The following TMEM175 variants were observed in gnomAD, a reference collection of about 807,000 sequenced individuals.
TMEM175 encodes transmembrane protein 175.
Under a neutral mutation model 36.5 loss-of-function variants are expected in TMEM175, and 36 were observed. The ratio of observed to expected loss-of-function variants is 0.99; its 90% CI spans 0.76 to 1.30. The LOEUF (loss-of-function observed/expected upper bound fraction) is 1.30. TMEM175 is among the 50% of genes most tolerant of loss of function. TMEM175 has a pLI of 0.00. For synonymous variants in TMEM175, 339 were observed against 313.4 expected (o/e 1.08, Z -0.86); for missense variants, 705 against 692.8 (o/e 1.02, Z -0.20).
chr4:948,963 G>A (rs1053809269), intron 3 of TMEM175, among the ~76,000 whole-genome samples: 5 of 152,198 alleles, frequency 3.3e-5, no homozygotes, highest in South Asian at 4.1e-4. Context: ...AAGTAGAAAT[G>A]CGGGTGGAGC....
At chr4:934,649 A>G (rs1273367763) in intron 1 of TMEM175, among the ~76,000 whole-genome samples, 1 of 152,246 alleles carries the variant, frequency 6.6e-6, no homozygotes, top group Non-Finnish European at 1.5e-5. Flanking sequence ...CCTTAGCTCC[A>G]GGGAGCTACA....
rs775267397 is a variant in TMEM175 at position 947,901 on chromosome 4, G to A, written c.153+9G>A. On this transcript the variant is annotated intron_variant, in intron 2 of 10. Transcript: ENST00000264771. ...TCATCGCCACCGTCATGGTCTGTAC[G>A]GGGCCCCTGCTTAGGCCTGCCCCAC... 44 of 1,613,696 alleles carry A rather than the reference G, an allele frequency of 2.7e-5. No homozygotes were observed. Among genetic ancestry groups the A allele is most frequent in the Admixed American group, 1.0e-4 (6 of 60,008 alleles).
At position 951,510 on chromosome 4, in the gene TMEM175, G is replaced by C. The variant is rs916711189; in HGVS notation, c.343-172G>C. On this transcript the variant is annotated intron_variant, in intron 5 of 10. Coordinates refer to ENST00000264771, the MANE Select transcript of TMEM175 (RefSeq NM_032326.4). ...GTTGGGCACAGGTGTAGGGGACAGA[G>C]AGGATGAGTGCCCCCATCTGGCCCT... is the stretch of plus-strand genomic sequence containing the variant. 4.9e-5 allele frequency: 42 copies of C among 864,826 alleles called. No individual in the cohort carries two copies. In the African/African-American group the frequency reaches 5.8e-4, roughly 12 times the overall value. 53.6% of individuals were successfully genotyped at this position (864,826 alleles called of 1,614,324 possible). A position where few individuals can be genotyped will look rare whatever the true frequency, so the allele number is the denominator to read the frequency against.
chr4:952,453 AGGGGGCCTG>A lies in TMEM175; in HGVS notation c.462+13_462+21del, dbSNP rs765544990. ...TGATCGCCATTGGGGTCGTGCAGGT[AGGGGGCCTG>A]GGGGGCCTGCACTGTGTGTGTGTGT... is the stretch of plus-strand genomic sequence containing the variant. On this transcript the variant is annotated splice_donor_5th_base_variant and intron_variant, in intron 7 of 10. Coordinates refer to ENST00000264771, the MANE Select transcript of TMEM175 (RefSeq NM_032326.4). The A allele has an allele frequency of 1.3e-6, 2 of 1,565,636 alleles. No individual in the cohort carries two copies. Among genetic ancestry groups the A allele is most frequent in the African/African-American group, 1.5e-5 (1 of 67,590 alleles).
chr4:941,823 T>C lies in TMEM175; in HGVS notation c.-31-5886T>C, dbSNP rs987632465. On this transcript the variant is annotated intron_variant, in intron 1 of 10. Coordinates refer to ENST00000264771, the MANE Select transcript of TMEM175 (RefSeq NM_032326.4). ...GGTGGCTCATTCCTATAATCCCAGC[T>C]ACTTGGGAGGCCGAGGCAGGAGAAT... is the stretch of plus-strand genomic sequence containing the variant. Among the ~76,000 whole-genome samples the C allele has an allele frequency of 7.9e-5, 12 of 151,962 alleles. 1 individual carries two copies. In the East Asian group the frequency reaches 2.3e-3, roughly 30 times the overall value.
chr4:948,016 A>AG (rs780911763), intron 2 of TMEM175, 100 bp from the exon 3 acceptor site: 1 of 1,608,692 alleles, frequency 6.2e-7, no homozygotes, highest in Non-Finnish European at 8.5e-7. Flanking sequence ...CAGGCAGCTT[A>AG]GGGGGGCCCA....
chr4:956,611 T>C (rs530942266), intron 10 of TMEM175: 2 of 557,214 alleles, frequency 3.6e-6, no homozygotes, highest in South Asian at 3.9e-5. Flanking sequence ...CCCAGCTAAC[T>C]TTTTGCATTT....
Position 957,898 on chromosome 4 carries a change from C to G in TMEM175, c.917C>G (p.Thr306Ser). ...SGSLVAALSA[T>S]GPRFLAYFGS... The stretch of plus-strand genomic sequence containing the variant: ...AGCCTCGTGGCCGCCCTGAGTGCGA[C>G]CGGGCCGCGCTTCCTGGCGTACTTC... The change falls in exon 11 of 11, where the codon ACC (threonine) becomes AGC (serine). Residue 306 changes from threonine (T) to serine (S), a missense_variant. Physicochemically the swap from Thr to Ser is moderately conservative, Grantham distance 58. Transcript: ENST00000264771. 1 of 1,612,828 alleles carries G rather than the reference C, an allele frequency of 6.2e-7. No individual in the cohort carries two copies. The highest frequency in any genetic ancestry group is 8.5e-7 in the Non-Finnish European group (1 of 1,179,960).
intron 5 of TMEM175, 94 bp downstream of exon 5, chr4:951,352 A>T: frequency 7.1e-7 from 1 of 1,400,952 alleles, no homozygotes; most frequent in East Asian, 2.3e-5. Context: ...CTCTCTCGTG[A>T]CCTCCAGGGA....
intron 1 of TMEM175, among the ~76,000 whole-genome samples, chr4:940,504 G>T (rs1459187546): frequency 6.6e-6 from 1 of 151,456 alleles, no homozygotes; most frequent in African/African-American, 2.4e-5. Context: ...GAAAGAGGGA[G>T]GGTGGAGCAC....
chr4:951,676 C>G lies in TMEM175; in HGVS notation c.343-6C>G. ...ATCATGGCTGTGATGCCCTCCCTCC[C>G]TCCAGGCCTGCATGATGACCATCAC... is the stretch of plus-strand genomic sequence containing the variant. On this transcript the variant is annotated splice_polypyrimidine_tract_variant and splice_region_variant and intron_variant, in intron 5 of 10. Coordinates refer to ENST00000264771, the MANE Select transcript of TMEM175 (RefSeq NM_032326.4). The G allele has an allele frequency of 6.2e-7, 1 of 1,614,170 alleles. No individual in the cohort carries two copies. The highest frequency in any genetic ancestry group is 8.5e-7 in the Non-Finnish European group (1 of 1,180,012).
chr4:950,999 G>T (rs1431992865), intron 4 of TMEM175, among the ~76,000 whole-genome samples: 3 of 152,134 alleles, frequency 2.0e-5, no homozygotes, highest in African/African-American at 7.2e-5. Context: ...TGCGGATGGT[G>T]CAGGGTGTGG....
chr4:946,481 C>T (rs879516431), intron 1 of TMEM175, among the ~76,000 whole-genome samples: 12 of 152,090 alleles, frequency 7.9e-5, no homozygotes, highest in Admixed American at 1.3e-4. Flanking sequence ...CTGGTTGGCA[C>T]GAGGCTGCCC....
intron 1 of TMEM175, among the ~76,000 whole-genome samples, chr4:936,124 C>T (rs1341015368): frequency 1.3e-5 from 2 of 151,986 alleles, no homozygotes; most frequent in Admixed American, 6.6e-5. Context: ...CACTTGAGGT[C>T]GGAAGTTTAA....
Position 958,116 on chromosome 4 carries a change from A to G in TMEM175, c.1135A>G (p.Ser379Gly). The G allele has an allele frequency of 6.2e-7, 1 of 1,604,016 alleles. No individual in the cohort carries two copies. The highest frequency in any genetic ancestry group is 8.5e-7 in the Non-Finnish European group (1 of 1,179,806). The change falls in exon 11 of 11, where the codon AGC (serine) becomes GGC (glycine). Residue 379 changes from serine to glycine, a missense_variant. Coordinates refer to ENST00000264771, the MANE Select transcript of TMEM175 (RefSeq NM_032326.4). ...CGATGAGCTGGAGCGCGTGCGTGTC[A>G]GCTGCACCATCATCTTCCTGGCCAG... ...PRDELERVRV[S>G]CTIIFLASIF...
chr4:952,506 G>GTGTGTGTGTGTGTGTGTT, intron 7 of TMEM175, 56 bp downstream of exon 7: 1 of 1,393,670 alleles, frequency 7.2e-7, no homozygotes, highest in Non-Finnish European at 9.8e-7. Context: ...GTGTGTGTGT[G>GTGTGTGTGTGTGTGTGTT]TGTGTGTGTG....
In TMEM175 at chr4:957,925, G is replaced by C. The variant is rs1259834670; in HGVS notation, c.944G>C (p.Gly315Ala). ...ATGPRFLAYF[G>A]SFATVGLLWF... ...GGGCCGCGCTTCCTGGCGTACTTCGGCTCCTTCGCCACAGTGGGACTGCTG... is the reference window on the plus strand; with the variant it reads ...GGGCCGCGCTTCCTGGCGTACTTCGCCTCCTTCGCCACAGTGGGACTGCTG... The change falls in exon 11 of 11, where the codon GGC becomes GCC. Residue 315 changes from glycine to alanine, a missense_variant. Gly to Ala is a moderately conservative substitution (Grantham distance 60). Transcript: ENST00000264771. 2 of 1,612,788 alleles carry C rather than the reference G, an allele frequency of 1.2e-6. No individual in the cohort carries two copies. Among genetic ancestry groups the C allele is most frequent in the Admixed American group, 1.7e-5 (1 of 60,000 alleles).
At chr4:951,355 T>C in intron 5 of TMEM175, 97 bp downstream of exon 5, 1 of 1,380,880 alleles carries the variant, frequency 7.2e-7, no homozygotes, top group Non-Finnish European at 1.0e-6. Context: ...TCTCGTGACC[T>C]CCAGGGAGTC....
chr4:953,770 C>G lies in TMEM175; in HGVS notation c.627+416C>G, dbSNP rs139329148. Among the ~76,000 whole-genome samples the G allele has an allele frequency of 7.3e-3, 1,106 of 152,358 alleles. 8 individuals are homozygous for G. Among genetic ancestry groups the G allele is most frequent in the South Asian group, 0.017 (81 of 4,822 alleles). On this transcript the variant is annotated intron_variant, in intron 8 of 10. Coordinates refer to ENST00000264771, the MANE Select transcript of TMEM175 (RefSeq NM_032326.4). The stretch of plus-strand genomic sequence containing the variant: ...GTGTGATCTTGGCTCACCACAGCCT[C>G]GACCTCCCGGGCTCAAGTGATTCTC...
Sources: allele counts gnomAD v4.1 joint callset (sites outside exome capture counted in the v4.1 genomes callset), GRCh38; gene constraint gnomAD v4.1.1; transcripts MANE v1.5; gene names NCBI Gene and HGNC (gene_info 2026-07-23, HGNC 2026-07-21).